The following DNAJC1 variants were observed in gnomAD, a reference collection of about 807,000 sequenced individuals.
DNAJC1 encodes dnaJ homolog subfamily C member 1.
In DNAJC1, 58 loss-of-function variants were observed where a neutral mutation model predicts 76.6. That is an observed-to-expected ratio of 0.76 (90% CI 0.61 to 0.94). The LOEUF (loss-of-function observed/expected upper bound fraction) is 0.94, where lower values mean the gene tolerates loss of function less well. DNAJC1 is among the 40% of genes least tolerant of loss of function. DNAJC1 has a pLI of 0.00. For synonymous variants in DNAJC1, 258 were observed against 267.9 expected (o/e 0.96, Z 0.36); for missense variants, 689 against 677.3 (o/e 1.02, Z -0.19).
At chr10:21,840,290 T>G (rs546869295) in intron 8 of DNAJC1, among the ~76,000 whole-genome samples, 6 of 152,210 alleles carry the variant, frequency 3.9e-5, no homozygotes, top group South Asian at 2.1e-4. Flanking sequence ...GGTATTCAGT[T>G]AGGAAAAGAG....
intron 6 of DNAJC1, among the ~76,000 whole-genome samples, chr10:21,908,013 A>AATAATATATATAAATATATAATATAAT (rs2131748807): frequency 1.3e-5 from 1 of 79,024 alleles, no homozygotes; most frequent in Admixed American, 1.8e-4. Context: ...TATTATATAT[A>AATAATATATATAAATATATAATATAAT]ATAATATATA....
chr10:21,830,846 T>C (rs1025987102), intron 8 of DNAJC1, among the ~76,000 whole-genome samples: 2 of 152,214 alleles, frequency 1.3e-5, no homozygotes, highest in East Asian at 1.9e-4. Context: ...TTTTTTAAAA[T>C]GGTTTAACCA....
intron 7 of DNAJC1, among the ~76,000 whole-genome samples, chr10:21,899,736 A>AGTC (rs1836614817): frequency 6.6e-6 from 1 of 152,344 alleles, no homozygotes; most frequent in African/African-American, 2.4e-5. Context: ...TTGAACAAGC[A>AGTC]GTCCGGCTGC....
intron 1 of DNAJC1, among the ~76,000 whole-genome samples, chr10:21,942,805 CAAAAAAA>C (rs540122534): frequency 4.0e-4 from 18 of 45,426 alleles, no homozygotes; most frequent in Middle Eastern, 0.012. Flanking sequence ...GACTCCATCT[CAAAAAAA>C]AAAAAAAAAA....
chr10:21,963,189 C>T (rs1837829347), intron 1 of DNAJC1, among the ~76,000 whole-genome samples: 1 of 152,184 alleles, frequency 6.6e-6, no homozygotes, highest in Non-Finnish European at 1.5e-5. Context: ...CAGAAATATG[C>T]ATATGTCTCA....
intron 9 of DNAJC1, among the ~76,000 whole-genome samples, chr10:21,791,097 A>T (rs1035705065): frequency 6.6e-6 from 1 of 152,226 alleles, no homozygotes; most frequent in African/African-American, 2.4e-5. Flanking sequence ...ATCATATAAA[A>T]CAGACTTTAA....
chr10:22,003,496 C>A lies in DNAJC1; in HGVS notation c.-62G>T. 3 of 1,303,546 alleles carry A rather than the reference C, an allele frequency of 2.3e-6. No homozygotes were observed. The highest frequency in any genetic ancestry group is 2.9e-6 in the Non-Finnish European group (3 of 1,032,046). The allele number at this position is 1,303,546 out of a possible 1,614,324, so 80.7% of individuals were successfully genotyped here. A position where few individuals can be genotyped will look rare whatever the true frequency, so the allele number is the denominator to read the frequency against. On this transcript the variant is annotated 5_prime_UTR_variant, in exon 1 of 12. Transcript: ENST00000376980. ...CCGTTGGCCGAGAGCTGGGACGTGG[C>A]GGGCGGCGCTGGCTGTGGGGAACAG...
intron 8 of DNAJC1, among the ~76,000 whole-genome samples, chr10:21,858,562 T>G (rs190923778): frequency 3.3e-5 from 5 of 152,360 alleles, no homozygotes; most frequent in African/African-American, 1.2e-4. Context: ...AGACTTTGTT[T>G]TCTTTGAGGT....
chr10:21,822,041 G>A (rs998688303), intron 8 of DNAJC1, among the ~76,000 whole-genome samples: 7 of 152,220 alleles, frequency 4.6e-5, no homozygotes, highest in East Asian at 1.9e-4. Context: ...TATAGTAACC[G>A]AAATCATATA....
At chr10:21,778,191 C>T (rs957370166) in intron 9 of DNAJC1, among the ~76,000 whole-genome samples, 1 of 151,788 alleles carries the variant, frequency 6.6e-6, no homozygotes, top group Non-Finnish European at 1.5e-5. Context: ...GAGACTTCAT[C>T]TCAAAAAAGA....
At position 21,759,670 on chromosome 10, in the gene DNAJC1, G is replaced by A. The variant is rs573670511; in HGVS notation, c.1148-52C>T. The A allele has an allele frequency of 2.1e-4, 334 of 1,562,374 alleles. 6 individuals are homozygous for A. The South Asian group carries it at 3.7e-3, about 17-fold the overall frequency. On this transcript the variant is annotated intron_variant, in intron 10 of 11. Transcript: ENST00000376980. ...GGTGAAGGGCAAGGTGAATTAAGGA[G>A]ACGGTGAGAACAGCAGCTGCCGGGC...
chr10:21,935,256 GTC>G (rs1837292052), intron 1 of DNAJC1, among the ~76,000 whole-genome samples: 1 of 151,996 alleles, frequency 6.6e-6, no homozygotes, highest in African/African-American at 2.4e-5. Context: ...TGAGAATAAT[GTC>G]TCACATAATT....
intron 1 of DNAJC1, among the ~76,000 whole-genome samples, chr10:21,983,837 T>C (rs1439583857): frequency 6.6e-6 from 1 of 152,136 alleles, no homozygotes; most frequent in Non-Finnish European, 1.5e-5. Context: ...GGAAAAGTAT[T>C]AGAAATGAAT....
chr10:21,857,104 T>C (rs373662179), intron 8 of DNAJC1, among the ~76,000 whole-genome samples: 1 of 152,170 alleles, frequency 6.6e-6, no homozygotes, highest in South Asian at 2.1e-4. Context: ...ATAATACAAT[T>C]AACAACTATC....
intron 9 of DNAJC1, among the ~76,000 whole-genome samples, chr10:21,779,010 T>C (rs1834490431): frequency 6.6e-6 from 1 of 152,136 alleles, no homozygotes; most frequent in Non-Finnish European, 1.5e-5. Flanking sequence ...AGCACAGCGG[T>C]CTGAGATCGA....
intron 11 of DNAJC1, 86 bp from the exon 12 acceptor site, chr10:21,756,841 C>T: frequency 8.0e-7 from 1 of 1,255,732 alleles, no homozygotes; most frequent in Non-Finnish European, 1.1e-6. Context: ...GGCTTCTGCT[C>T]ATGAAGAGCC....
chr10:21,782,477 T>C (rs570479014), intron 9 of DNAJC1, among the ~76,000 whole-genome samples: 12 of 152,174 alleles, frequency 7.9e-5, no homozygotes, highest in Admixed American at 1.3e-4. Context: ...GAGGAGCTGG[T>C]ACCACTCCTT....
intron 7 of DNAJC1, among the ~76,000 whole-genome samples, chr10:21,884,366 A>T (rs1432334756): frequency 2.0e-5 from 3 of 152,228 alleles, no homozygotes; most frequent in African/African-American, 7.2e-5. Context: ...ATACCAAGAT[A>T]TAATTTTATA....
Position 21,921,535 on chromosome 10 carries a change from C to T in DNAJC1, c.372-572G>A, listed in dbSNP as rs192054320. Among the ~76,000 whole-genome samples the T allele has an allele frequency of 8.1e-4, 123 of 151,898 alleles. 2 individuals carry two copies. The highest frequency in any genetic ancestry group is 6.8e-3 in the East Asian group (35 of 5,178). ...TTGAGTGTCTTTTAATTTTGTATTG[C>T]TATATTCCTTTAGAAAATAAAAAAC... On this transcript the variant is annotated intron_variant, in intron 3 of 11. Transcript: ENST00000376980.
Sources: gnomAD v4.1 joint callset for allele counts (sites outside exome capture counted in the v4.1 genomes callset) on GRCh38, gnomAD v4.1.1 for gene constraint, MANE v1.5 for transcripts, NCBI Gene and HGNC (gene_info 2026-07-23, HGNC 2026-07-21) for gene names.